Variants in APC observed in about 807,000 individuals in gnomAD.
APC encodes adenomatous polyposis coli protein.
A neutral mutation model predicts 247.0 loss-of-function variants in APC; 72 were observed. The ratio of observed to expected loss-of-function variants is 0.29; its 90% CI spans 0.24 to 0.35. The LOEUF (loss-of-function observed/expected upper bound fraction) is 0.35, where lower values mean the gene tolerates loss of function less well. APC is among the 10% of genes least tolerant of loss of function. The pLI is 1.00. For synonymous variants in APC, 1,254 were observed against 1,162.5 expected (o/e 1.08, Z -1.60); for missense variants, 3,400 against 3,360.7 (o/e 1.01, Z -0.29).
chr5:112,810,970 A>G (rs1761924455), intron 8 of APC, among the ~76,000 whole-genome samples: 1 of 152,152 alleles, frequency 6.6e-6, no homozygotes, highest in Admixed American at 6.6e-5. Context: ...GTTGGTAGTG[A>G]GCTGAGATCA....
intron 14 of APC, among the ~76,000 whole-genome samples, chr5:112,832,656 A>G (rs574894522): frequency 1.3e-5 from 2 of 152,188 alleles, no homozygotes; most frequent in African/African-American, 4.8e-5. Flanking sequence ...GCTGATTCCC[A>G]CTTCCCTGCC....
At chr5:112,781,822 A>C (rs983217857) in intron 6 of APC, among the ~76,000 whole-genome samples, 3 of 149,022 alleles carry the variant, frequency 2.0e-5, no homozygotes, top group African/African-American at 7.5e-5. Flanking sequence ...CAATGGCATG[A>C]TCTCACCTGC....
At position 112,719,145 on chromosome 5, in the gene APC, G is replaced by T. The variant is rs553626743; in HGVS notation, c.165+11263G>T. 2.6e-5 allele frequency among the ~76,000 whole-genome samples: 4 copies of T among 152,246 alleles called. No homozygotes were observed. In the South Asian group the frequency reaches 8.3e-4, roughly 32 times the overall value. ...GGGAGAATGTACTAAACTGAGGAGG[G>T]ACTGCAGACAAATTTGTCTTTTAGT... On this transcript the variant is annotated intron_variant, in intron 1 of 13. Transcript: ENST00000507379.
At chr5:112,755,185 G>A in intron 2 of APC, 160 bp downstream of exon 2, 1 of 613,504 alleles carries the variant, frequency 1.6e-6, no homozygotes, top group Non-Finnish European at 2.0e-6. Flanking sequence ...TTTTAAATAA[G>A]ATATATTGAA....
chr5:112,777,484 A>G (rs1457284012), intron 5 of APC: 1 of 154,414 alleles, frequency 6.5e-6, no homozygotes, highest in East Asian at 1.9e-4. Context: ...TATTTGTTCA[A>G]AGTGACCAGT....
intron 1 of APC, among the ~76,000 whole-genome samples, chr5:112,721,136 G>A (rs1388921286): frequency 6.6e-6 from 1 of 152,114 alleles, no homozygotes; most frequent in Non-Finnish European, 1.5e-5. Flanking sequence ...ATTTGGGGCT[G>A]GGTGCAGTGG....
intron 1 of APC, among the ~76,000 whole-genome samples, chr5:112,746,951 TTA>T (rs3068629): frequency 0.4 from 60,907 of 151,890 alleles, 14,693 homozygotes; most frequent in East Asian, 0.65. Flanking sequence ...CACACAAGGG[TTA>T]TGAGTTAAAT....
At chr5:112,836,464 G>A (rs1764960313) in intron 15 of APC, among the ~76,000 whole-genome samples, 1 of 152,030 alleles carries the variant, frequency 6.6e-6, no homozygotes, top group African/African-American at 2.4e-5. Context: ...AAGAGAAGAC[G>A]ACCATGTTAA....
chr5:112,802,495 A>G (rs1760933462), intron 8 of APC, among the ~76,000 whole-genome samples: 1 of 152,110 alleles, frequency 6.6e-6, no homozygotes, highest in African/African-American at 2.4e-5. Context: ...TTACATAGGA[A>G]TAGATCTACT....
chr5:112,763,960 G>C (rs897997424), intron 2 of APC, among the ~76,000 whole-genome samples: 6 of 152,044 alleles, frequency 3.9e-5, no homozygotes, highest in Non-Finnish European at 8.8e-5. Flanking sequence ...CTGATCGGCC[G>C]GGCGCGGTGG....
chr5:112,839,260 A>G lies in APC; in HGVS notation c.3666A>G (p.Ser1222=), dbSNP rs1131691141. Residue 1222 remains serine, a synonymous_variant, in exon 16 of 16, where the codon TCA becomes TCG. Transcript: ENST00000257430. This position sits in a 1 kb window ranked among gnomAD's most constrained non-coding sequence, Gnocchi z 5.0. ...GCAGTGAGAATACGTCCACACCTTC[A>G]TCTAATGCCAAGAGGCAGAATCAGC... The part of the protein sequence containing the change: ...SSSSENTSTP[S]SNAKRQNQLH... 1.9e-6 allele frequency: 3 copies of G among 1,614,074 alleles called. No homozygotes were observed. The highest frequency in any genetic ancestry group is 8.5e-7 in the Non-Finnish European group (1 of 1,180,038).
intron 8 of APC, among the ~76,000 whole-genome samples, chr5:112,804,996 T>C (rs1761225123): frequency 6.6e-6 from 1 of 151,922 alleles, no homozygotes; most frequent in Non-Finnish European, 1.5e-5. Flanking sequence ...TTTTTATTTT[T>C]TGTCTAAAAA....
intron 6 of APC, among the ~76,000 whole-genome samples, chr5:112,791,839 T>A (rs1333599531): frequency 6.6e-6 from 1 of 152,238 alleles, no homozygotes; most frequent in Non-Finnish European, 1.5e-5. Context: ...ATGTGTATTG[T>A]GTCAATTTTC....
chr5:112,713,770 G>A (rs1379589916), intron 1 of APC, among the ~76,000 whole-genome samples: 3 of 152,102 alleles, frequency 2.0e-5, no homozygotes, highest in Admixed American at 6.5e-5. Context: ...TGGGTTCAGC[G>A]ATTCTCCTGC....
At chr5:112,812,981 T>C (rs1235183792) in intron 8 of APC, among the ~76,000 whole-genome samples, 5 of 152,132 alleles carry the variant, frequency 3.3e-5, no homozygotes, top group Admixed American at 6.5e-5. Flanking sequence ...GAAGTGTCCC[T>C]AGTCAGCATA....
chr5:112,777,096 A>T (rs1212509777), intron 5 of APC, among the ~76,000 whole-genome samples: 6 of 152,200 alleles, frequency 3.9e-5, no homozygotes, highest in Admixed American at 1.3e-4. Flanking sequence ...TCATTCATTT[A>T]ACTTGAAATG....
intron 1 of APC, among the ~76,000 whole-genome samples, chr5:112,744,575 TAG>T (rs1753423695): frequency 6.6e-6 from 1 of 152,302 alleles, no homozygotes; most frequent in South Asian, 2.1e-4. Context: ...CATTATTGGC[TAG>T]AGACATCAGG....
At chr5:112,792,259 AAAAAG>A (rs934046102) in intron 6 of APC, among the ~76,000 whole-genome samples, 182 bp from the exon 7 acceptor site, 1 of 152,114 alleles carries the variant, frequency 6.6e-6, no homozygotes, top group Non-Finnish European at 1.5e-5. Context: ...AAAAAAAGAA[AAAAAG>A]AAAAGAAAAA....
chr5:112,751,415 A>G (rs936590014), intron 1 of APC, among the ~76,000 whole-genome samples: 12 of 152,022 alleles, frequency 7.9e-5, no homozygotes, highest in Admixed American at 6.5e-4. Context: ...TGTAAAATTT[A>G]TAAGTTAGCT....
Sources: gnomAD v4.1 joint callset for allele counts (sites outside exome capture counted in the v4.1 genomes callset) on GRCh38, gnomAD v4.1.1 for gene constraint, Gnocchi (gnomAD v3.1) non-coding constraint, MANE v1.5 for transcripts, NCBI Gene and HGNC (gene_info 2026-07-23, HGNC 2026-07-21) for gene names.